Variants in EPN1 observed in about 807,000 individuals in gnomAD.
EPN1 encodes the protein epsin-1.
In EPN1, 25 loss-of-function variants were observed where a neutral mutation model predicts 56.9. The ratio of observed to expected loss-of-function variants is 0.44; its 90% confidence interval spans 0.32 to 0.61. The LOEUF (loss-of-function observed/expected upper bound fraction) is 0.61. Ranked by LOEUF, EPN1 falls within the 20% of genes least tolerant of loss-of-function variation. The pLI is 0.05. For synonymous variants in EPN1, 411 were observed against 361.8 expected (o/e 1.14, Z -1.54); for missense variants, 785 against 823.7 (o/e 0.95, Z 0.58).
chr19:55,685,375 CA>C lies in EPN1; in HGVS notation c.229-20del. 6.2e-7 allele frequency: 1 copy of C among 1,604,304 alleles called. No individual in the cohort carries two copies. Among genetic ancestry groups the C allele is most frequent in the Non-Finnish European group, 8.5e-7 (1 of 1,175,958 alleles). ...CCTTGTGCCCGGCGTGCTGACCGGGCATCCCCGTGCCCGCTCGCAGGCCATG... is the reference window on the plus strand; with the variant it reads ...CCTTGTGCCCGGCGTGCTGACCGGGCTCCCCGTGCCCGCTCGCAGGCCATG... On this transcript the variant is annotated intron_variant, in intron 2 of 10. Coordinates refer to ENST00000270460, the MANE Select transcript of EPN1 (RefSeq NM_001130072.2).
intron 2 of EPN1, among the ~76,000 whole-genome samples, chr19:55,683,002 G>A (rs6509950): frequency 0.3 from 45,124 of 151,672 alleles, 7,086 homozygotes; most frequent in South Asian, 0.43. Flanking sequence ...TGATCCGCCC[G>A]CCTTGGCCTC....
chr19:55,694,200 C>G lies in EPN1; in HGVS notation c.1265-526C>G, dbSNP rs1176360680. ...CGCCATTGCGCTCCAACTGGGGAAA[C>G]GAGCGACACTCCGTCTCAGAAAAAA... is the stretch of plus-strand genomic sequence containing the variant. On this transcript the variant is annotated intron_variant, in intron 9 of 10. Coordinates refer to ENST00000270460, the MANE Select transcript of EPN1 (RefSeq NM_001130072.2). The surrounding 1 kb of genome is among the most constrained non-coding windows in gnomAD (Gnocchi z 4.2). 7.3e-6 allele frequency: 1 copy of G among 136,606 alleles called. No homozygotes were observed. 8.5% of individuals were successfully genotyped at this position (136,606 alleles called of 1,614,324 possible).
rs764602030 is a variant in EPN1, at chr19:55,708,989, C to G, written c.*13633C>G. The G allele has an allele frequency of 1.3e-6, 2 of 1,595,396 alleles. No homozygotes were observed. The highest frequency in any genetic ancestry group is 1.7e-6 in the Non-Finnish European group (2 of 1,172,890). ...GAAATGGTCAGATGGGGAATTTTTTCTTCCACAGACATCAGGATCTTCTGA... is the reference window on the plus strand; with the variant it reads ...GAAATGGTCAGATGGGGAATTTTTTGTTCCACAGACATCAGGATCTTCTGA... On this transcript the variant is annotated 3_prime_UTR_variant, in exon 11 of 11. Transcript: ENST00000270460.
intron 2 of EPN1, 127 bp downstream of exon 2, chr19:55,678,982 C>T (rs1205147171): frequency 4.5e-6 from 3 of 666,450 alleles, no homozygotes; most frequent in South Asian, 3.9e-5. Flanking sequence ...AGTAAAATCT[C>T]TCTTTTTGTT....
chr19:55,692,180 T>G, intron 7 of EPN1, 123 bp downstream of exon 7: 1 of 947,122 alleles, frequency 1.1e-6, no homozygotes, highest in South Asian at 2.3e-5. Flanking sequence ...GCGTCCTGGG[T>G]GCAGGGGAGG....
At position 55,695,102 on chromosome 19, in the gene EPN1, T is replaced by A; in HGVS notation, c.1523-46T>A. On this transcript the variant is annotated intron_variant, in intron 10 of 10. Coordinates refer to ENST00000270460, the MANE Select transcript of EPN1 (RefSeq NM_001130072.2). This position sits in a 1 kb window ranked among gnomAD's most constrained non-coding sequence, Gnocchi z 4.4. ...ACATGCTGGATGGACACAGGTGGGC[T>A]GCGCCACTGACTCCACTCCGTGTCT... is the stretch of plus-strand genomic sequence containing the variant. 6.2e-7 allele frequency: 1 copy of A among 1,611,864 alleles called. No homozygotes were observed. Among genetic ancestry groups the A allele is most frequent in the Non-Finnish European group, 8.5e-7 (1 of 1,178,572 alleles).
chr19:55,688,246 G>A (rs10403866), intron 3 of EPN1, among the ~76,000 whole-genome samples: 1 of 151,996 alleles, frequency 6.6e-6, no homozygotes, highest in Non-Finnish European at 1.5e-5. Flanking sequence ...AGGCGGGGTT[G>A]CTGAGAGGAT....
In EPN1 at chr19:55,689,963, T is replaced by C. The variant is rs1368170921; in HGVS notation, c.762+13T>C. On this transcript the variant is annotated intron_variant, in intron 6 of 10. Transcript: ENST00000270460. This position sits in a 1 kb window ranked among gnomAD's most constrained non-coding sequence, Gnocchi z 5.7. ...GGGCAAGGAGGAGGTGAGCGGGGCTTGTTCTGCCCTCCCTGGCCCCTGCAG... is the reference window on the plus strand; with the variant it reads ...GGGCAAGGAGGAGGTGAGCGGGGCTCGTTCTGCCCTCCCTGGCCCCTGCAG... 1 of 1,585,718 alleles carries C rather than the reference T, an allele frequency of 6.3e-7. No homozygotes were observed. Among genetic ancestry groups the C allele is most frequent in the Admixed American group, 1.8e-5 (1 of 55,672 alleles).
chr19:55,690,007 G>A (rs559712752), intron 6 of EPN1, 57 bp downstream of exon 6: 13 of 1,463,628 alleles, frequency 8.9e-6, no homozygotes, highest in African/African-American at 1.4e-5. Context: ...CCGTCCCATC[G>A]CTCATTCCTG....
intron 3 of EPN1, among the ~76,000 whole-genome samples, chr19:55,687,427 T>C (rs574879439): frequency 8.1e-4 from 124 of 152,172 alleles, no homozygotes; most frequent in East Asian, 7.7e-4. Flanking sequence ...TGGGTGCCAG[T>C]ATTACCTGTG....
intron 2 of EPN1, 39 bp from the exon 3 acceptor site, chr19:55,685,357 C>T (rs1485487115): frequency 1.9e-6 from 3 of 1,591,502 alleles, no homozygotes; most frequent in Non-Finnish European, 1.7e-6. Flanking sequence ...CCGCCTTGTG[C>T]CCGGCGTGCT....
At chr19:55,680,835 C>G (rs57544196) in intron 2 of EPN1, 24,493 of 152,574 alleles carry the variant, frequency 0.16, 3,415 homozygotes, top group African/African-American at 0.37. Context: ...TGCTACACCC[C>G]CTTTGGCCCT....
In EPN1 at chr19:55,705,077, A is replaced by G. The variant is rs1272189694; in HGVS notation, c.*9721A>G. On this transcript the variant is annotated 3_prime_UTR_variant, in exon 11 of 11. Coordinates refer to ENST00000270460, the MANE Select transcript of EPN1 (RefSeq NM_001130072.2). ...TGCCACACAGTGAATGTGCTACTCAAGCCACTCAGCCTGGGCTGCAGAGGT... is the reference window on the plus strand; with the variant it reads ...TGCCACACAGTGAATGTGCTACTCAGGCCACTCAGCCTGGGCTGCAGAGGT... 1.3e-5 allele frequency: 2 copies of G among 152,220 alleles called. No individual in the cohort carries two copies. Among genetic ancestry groups the G allele is most frequent in the Admixed American group, 6.5e-5 (1 of 15,274 alleles). 9.4% of individuals were successfully genotyped at this position (152,220 alleles called of 1,614,324 possible). A position where few individuals can be genotyped will look rare whatever the true frequency, so the allele number is the denominator to read the frequency against.
At chr19:55,688,752 AGGGTGGGGGACTT>A in intron 3 of EPN1, 105 bp from the exon 4 acceptor site, 2 of 1,395,994 alleles carry the variant, frequency 1.4e-6, no homozygotes, top group South Asian at 2.6e-5. Context: ...CAGAGGTTGT[AGGGTGGGGGACTT>A]GGGGGGTGGG....
Position 55,709,119 on chromosome 19 carries a change from C to T in EPN1, c.*13763C>T. Reference sequence around the variant, plus strand: ...GTATTGCCTCTCTACATTCTGATGTCTACCTCTCCTCTCCTCTTTATTCTT... The same window carrying T: ...GTATTGCCTCTCTACATTCTGATGTTTACCTCTCCTCTCCTCTTTATTCTT... On this transcript the variant is annotated 3_prime_UTR_variant, in exon 11 of 11. Coordinates refer to ENST00000270460, the MANE Select transcript of EPN1 (RefSeq NM_001130072.2). 9.9e-7 allele frequency: 1 copy of T among 1,007,262 alleles called. No homozygotes were observed. Among genetic ancestry groups the T allele is most frequent in the East Asian group, 2.8e-5 (1 of 35,700 alleles). 62.4% of individuals were successfully genotyped at this position (1,007,262 alleles called of 1,614,324 possible).
In EPN1 at chr19:55,692,806, T is replaced by G. The variant is rs763492302; in HGVS notation, c.1177+10T>G. ...ACCAATGGCACAACAGGTACTGGAA[T>G]GGGGGTGGGAATGGAGCCCCGGGTG... On this transcript the variant is annotated intron_variant, in intron 8 of 10. Transcript: ENST00000270460. The G allele has an allele frequency of 1.4e-5, 23 of 1,594,436 alleles. No homozygotes were observed. The South Asian group carries it at 2.6e-4, about 18-fold the overall frequency.
At chr19:55,683,843 C>G (rs1367599004) in intron 2 of EPN1, among the ~76,000 whole-genome samples, 1 of 152,240 alleles carries the variant, frequency 6.6e-6, no homozygotes, top group Non-Finnish European at 1.5e-5. Flanking sequence ...AAGTCTGACC[C>G]AGACTGAAGT....
intron 2 of EPN1, among the ~76,000 whole-genome samples, chr19:55,679,251 G>T (rs771114881): frequency 3.3e-5 from 5 of 152,264 alleles, no homozygotes; most frequent in Non-Finnish European, 5.9e-5. Flanking sequence ...GGGGATGAAC[G>T]CTGTCGTGCC....
intron 7 of EPN1, 99 bp from the exon 8 acceptor site, chr19:55,692,587 C>A: frequency 1.3e-6 from 1 of 768,194 alleles, no homozygotes. Flanking sequence ...GGCAGGGGGG[C>A]TTTTGTGTGA....
Sources: allele counts gnomAD v4.1 joint callset (sites outside exome capture counted in the v4.1 genomes callset), GRCh38; gene constraint gnomAD v4.1.1; non-coding constraint Gnocchi (gnomAD v3.1); transcripts MANE v1.5; gene names NCBI Gene and HGNC (gene_info 2026-07-23, HGNC 2026-07-21).